The following CDKAL1 variants were observed in gnomAD, a reference collection of about 807,000 sequenced individuals.
The protein encoded by CDKAL1 is CDKAL1 threonylcarbamoyladenosine tRNA methylthiotransferase.
A neutral mutation model predicts 68.2 loss-of-function variants in CDKAL1; 32 were observed. The observed-to-expected ratio is 0.47, with a 90% confidence interval of 0.35 to 0.63. The LOEUF (loss-of-function observed/expected upper bound fraction) is 0.63, where lower values mean the gene tolerates loss of function less well. Among genes scored for constraint, CDKAL1 ranks in the 30% least tolerant of loss-of-function variants. The pLI, the probability that CDKAL1 is intolerant of heterozygous loss-of-function variation, is 0.00. For missense variants in CDKAL1, 606 were observed against 696.7 expected, an observed-to-expected ratio of 0.87 and a Z score of 1.47; for synonymous variants, 234 against 244.3, an observed-to-expected ratio of 0.96 and a Z score of 0.39.
At chr6:20,760,206 C>T (rs565297914) in intron 7 of CDKAL1, among the ~76,000 whole-genome samples, 5 of 151,872 alleles carry the variant, frequency 3.3e-5, no homozygotes, top group Non-Finnish European at 7.4e-5. Flanking sequence ...TCTCGAACTC[C>T]TGGGGTCAAA....
chr6:20,902,355 ACAC>A (rs1762042567), intron 9 of CDKAL1, among the ~76,000 whole-genome samples: 486 of 5,206 alleles, frequency 0.093, 7 homozygotes, highest in East Asian at 0.27. Flanking sequence ...ACACACACAC[ACAC>A]AATGTGTTTA....
chr6:21,106,793 G>A (rs1269455790), intron 12 of CDKAL1, among the ~76,000 whole-genome samples: 3 of 152,180 alleles, frequency 2.0e-5, no homozygotes, highest in African/African-American at 7.2e-5. Context: ...GGAGTACTAA[G>A]GGACAGCTGT....
At chr6:20,831,092 A>G (rs1197271706) in intron 8 of CDKAL1, among the ~76,000 whole-genome samples, 1 of 152,188 alleles carries the variant, frequency 6.6e-6, no homozygotes, top group Non-Finnish European at 1.5e-5. Flanking sequence ...GTTTCATACC[A>G]TGAATTTTAA....
rs1286354860 is a variant in CDKAL1, at chr6:20,562,083, C to T, written c.286+13378C>T. On this transcript the variant is annotated intron_variant, in intron 4 of 15. Transcript: ENST00000274695. Reference sequence around the variant, plus strand: ...AGTATTAGAAATTTTGATGTTCCTTCAAACTTAATACAGTATGGTTATATA... The same window carrying T: ...AGTATTAGAAATTTTGATGTTCCTTTAAACTTAATACAGTATGGTTATATA... 5.3e-5 allele frequency among the ~76,000 whole-genome samples: 8 copies of T among 152,282 alleles called. No homozygotes were observed. In the South Asian group the frequency reaches 1.7e-3, roughly 32 times the overall value.
At chr6:20,740,630 T>A (rs1167340355) in intron 6 of CDKAL1, among the ~76,000 whole-genome samples, 1 of 152,214 alleles carries the variant, frequency 6.6e-6, no homozygotes, top group Non-Finnish European at 1.5e-5. Context: ...GCTTTGAACT[T>A]TATGATAGAT....
intron 10 of CDKAL1, among the ~76,000 whole-genome samples, chr6:20,998,114 T>C (rs1767218797): frequency 6.6e-6 from 1 of 152,198 alleles, no homozygotes; most frequent in Admixed American, 6.5e-5. Context: ...AATAGATATG[T>C]CTAAAGCTGT....
intron 5 of CDKAL1, among the ~76,000 whole-genome samples, chr6:20,729,091 A>G (rs1226936578): frequency 6.6e-6 from 1 of 152,232 alleles, no homozygotes; most frequent in Non-Finnish European, 1.5e-5. Context: ...ATTGTAGAAA[A>G]TATTGACCAG....
intron 9 of CDKAL1, among the ~76,000 whole-genome samples, chr6:20,887,706 A>G (rs1371876500): frequency 1.2e-5 from 1 of 81,490 alleles, no homozygotes; most frequent in East Asian, 4.4e-4. Context: ...AGTATTTTAT[A>G]TCTTTAGAGT....
chr6:20,558,568 T>C lies in CDKAL1; in HGVS notation c.286+9863T>C, dbSNP rs1313035817. On this transcript the variant is annotated intron_variant, in intron 4 of 15. Transcript: ENST00000274695. ...TGAATGAAATTTGGGAATCCTATAC[T>C]TGGAATTCTGGAATGGCTAGCCTGG... The C allele has an allele frequency of 1.1e-5, 5 of 456,606 alleles. No homozygotes were observed. The East Asian group carries it at 3.5e-4, about 32-fold the overall frequency. 28.3% of individuals were successfully genotyped at this position (456,606 alleles called of 1,614,324 possible).
At chr6:20,922,024 GTCT>G (rs1011538384) in intron 9 of CDKAL1, among the ~76,000 whole-genome samples, 1 of 152,190 alleles carries the variant, frequency 6.6e-6, no homozygotes, top group Non-Finnish European at 1.5e-5. Flanking sequence ...GTCCTGGGCT[GTCT>G]TCTTAAAAGC....
At chr6:20,776,874 G>T (rs1364510701) in intron 7 of CDKAL1, among the ~76,000 whole-genome samples, 3 of 152,178 alleles carry the variant, frequency 2.0e-5, no homozygotes, top group African/African-American at 7.2e-5. Flanking sequence ...GGTGAGTAAG[G>T]TTGCAACTAG....
At position 20,952,563 on chromosome 6, in the gene CDKAL1, T is replaced by C. The variant is rs1267627924; in HGVS notation, c.743-2856T>C. Among the ~76,000 whole-genome samples the C allele has an allele frequency of 2.0e-5, 3 of 152,300 alleles. No homozygotes were observed. The South Asian group carries it at 6.2e-4, about 32-fold the overall frequency. ...GCTGGAAGAGCTGAAGGGCACACGG[T>C]AAGGGCCAAATAAAGGTTTGGATGA... is the stretch of plus-strand genomic sequence containing the variant. On this transcript the variant is annotated intron_variant, in intron 9 of 15. Coordinates refer to ENST00000274695, the MANE Select transcript of CDKAL1 (RefSeq NM_017774.3).
chr6:21,048,171 C>A (rs1156456775), intron 11 of CDKAL1, among the ~76,000 whole-genome samples: 1 of 152,146 alleles, frequency 6.6e-6, no homozygotes, highest in Non-Finnish European at 1.5e-5. Context: ...ACTGTCACAA[C>A]TACATTCAAC....
At chr6:20,777,759 C>A (rs1399524903) in intron 7 of CDKAL1, among the ~76,000 whole-genome samples, 1 of 152,188 alleles carries the variant, frequency 6.6e-6, no homozygotes, top group East Asian at 1.9e-4. Flanking sequence ...ATGGAGAGTA[C>A]CAAACCCTGT....
rs192251750 is a variant in CDKAL1 at position 20,791,985 on chromosome 6, A to G, written c.638+10720A>G. ...TTTTCCAGCCCTATCAAGAGAGAGA[A>G]AAAAAAAAACCCTGAAACTTGTGTA... is the stretch of plus-strand genomic sequence containing the variant. On this transcript the variant is annotated intron_variant, in intron 8 of 15. Transcript: ENST00000274695. Among the ~76,000 whole-genome samples the G allele has an allele frequency of 4.7e-3, 704 of 150,250 alleles. 5 individuals are homozygous for G. Among genetic ancestry groups the G allele is most frequent in the African/African-American group, 0.016 (641 of 40,522 alleles).
chr6:21,180,551 G>A (rs1777750442), intron 13 of CDKAL1, among the ~76,000 whole-genome samples: 1 of 152,050 alleles, frequency 6.6e-6, no homozygotes, highest in Middle Eastern at 3.4e-3. Context: ...AGCCTCAGAG[G>A]GACACCACCT....
In CDKAL1 at chr6:20,837,485, A is replaced by G. The variant is rs1428983012; in HGVS notation, c.639-8590A>G. ...AAAAACAATAGTTTTGTTCACTAAT[A>G]CTCCTTTGCTTTTAGAGTATATTTT... On this transcript the variant is annotated intron_variant, in intron 8 of 15. Coordinates refer to ENST00000274695, the MANE Select transcript of CDKAL1 (RefSeq NM_017774.3). 4.0e-5 allele frequency among the ~76,000 whole-genome samples: 6 copies of G among 151,382 alleles called. 1 individual carries two copies. Among genetic ancestry groups the G allele is most frequent in the African/African-American group, 1.2e-4 (5 of 41,094 alleles).
At chr6:21,021,059 G>A (rs901060927) in intron 11 of CDKAL1, among the ~76,000 whole-genome samples, 4 of 152,268 alleles carry the variant, frequency 2.6e-5, no homozygotes, top group Admixed American at 1.3e-4. Flanking sequence ...CTGTATGGGA[G>A]TAATCAAAAT....
At chr6:20,599,509 A>C in intron 4 of CDKAL1, 1 of 326,490 alleles carries the variant, frequency 3.1e-6, no homozygotes, top group South Asian at 2.6e-5. Context: ...GCTTTATGCA[A>C]ATATTACCAC....
Sources: allele counts gnomAD v4.1 joint callset (sites outside exome capture counted in the v4.1 genomes callset), GRCh38; gene constraint gnomAD v4.1.1; transcripts MANE v1.5; gene names NCBI Gene and HGNC (gene_info 2026-07-23, HGNC 2026-07-21).